The following SCN11A variants were observed in gnomAD, a reference collection of about 807,000 sequenced individuals.
SCN11A encodes the protein sodium voltage-gated channel alpha subunit 11.
A neutral mutation model predicts 162.2 loss-of-function variants in SCN11A; 122 were observed. The observed-to-expected ratio is 0.75, with a 90% CI of 0.65 to 0.87. The LOEUF is 0.87. Among genes scored for constraint, SCN11A ranks in the 40% least tolerant of loss-of-function variants. The probability of loss-of-function intolerance (pLI) is 0.00; values close to 1 mark genes in which losing one functional copy is unlikely to be tolerated. For synonymous variants in SCN11A, 758 were observed against 751.5 expected (o/e 1.01, Z -0.14); for missense variants, 2,015 against 2,181.6 (o/e 0.92, Z 1.52).
chr3:39,050,983 A>G (rs758947639), intron 1 of SCN11A, among the ~76,000 whole-genome samples: 1 of 152,188 alleles, frequency 6.6e-6, no homozygotes, highest in Non-Finnish European at 1.5e-5. Context: ...CTCAGCTCTT[A>G]TAATTAGTGG....
At position 38,950,090 on chromosome 3, in the gene SCN11A, A is replaced by C; in HGVS notation, c.267+6T>G. 1.5e-5 allele frequency: 4 copies of C among 270,550 alleles called. No homozygotes were observed. Among genetic ancestry groups the C allele is most frequent in the Non-Finnish European group, 2.4e-5 (4 of 168,264 alleles). The allele number at this position is 270,550 out of a possible 1,614,324, so 16.8% of individuals were successfully genotyped here. On this transcript the variant is annotated splice_donor_region_variant and intron_variant, in intron 5 of 29. Transcript: ENST00000302328. Reference sequence around the variant, plus strand: ...CCCCACCCCCCCCCCCCGCCCAATGAAGTACCTTATGATTTCGGTAGAATG... The same window carrying C: ...CCCCACCCCCCCCCCCCGCCCAATGCAGTACCTTATGATTTCGGTAGAATG...
intron 2 of SCN11A, among the ~76,000 whole-genome samples, chr3:38,977,107 A>C (rs973023780): frequency 3.3e-5 from 5 of 152,190 alleles, no homozygotes; most frequent in Admixed American, 6.5e-5. Flanking sequence ...TTGGATCCAC[A>C]AGTATTTCTG....
chr3:38,922,090 C>T (rs1199876952), intron 9 of SCN11A, among the ~76,000 whole-genome samples: 1 of 152,190 alleles, frequency 6.6e-6, no homozygotes, highest in Non-Finnish European at 1.5e-5. Context: ...CTTCAGCAAT[C>T]CACTGAGTCT....
chr3:38,886,252 C>G lies in SCN11A; in HGVS notation c.2836-14G>C, dbSNP rs1433019179. 6.5e-7 allele frequency: 1 copy of G among 1,544,164 alleles called. No homozygotes were observed. The highest frequency in any genetic ancestry group is 1.7e-5 in the Admixed American group (1 of 59,178). On this transcript the variant is annotated splice_polypyrimidine_tract_variant and intron_variant, in intron 19 of 29. Coordinates refer to ENST00000302328, the MANE Select transcript of SCN11A (RefSeq NM_001349253.2). ...GAGCTCATAGGCCTAACACAGAGAG[C>G]CCAGAATAGAATTAATATTCCTCCT... is the stretch of plus-strand genomic sequence containing the variant.
At chr3:38,963,399 T>TGATAGAG (rs2066757997) in intron 2 of SCN11A, among the ~76,000 whole-genome samples, 1 of 58,036 alleles carries the variant, frequency 1.7e-5, no homozygotes, top group African/African-American at 1.2e-4. Flanking sequence ...TGGAGATATA[T>TGATAGAG]ATATATATAT....
intron 1 of SCN11A, among the ~76,000 whole-genome samples, chr3:39,047,696 T>TA (rs2032217319): frequency 6.6e-6 from 1 of 151,846 alleles, no homozygotes; most frequent in African/African-American, 2.4e-5. Flanking sequence ...AAAACCCAAA[T>TA]AATTTTTAAA....
chr3:39,000,318 CT>C (rs1419522462), intron 2 of SCN11A, among the ~76,000 whole-genome samples: 2 of 152,102 alleles, frequency 1.3e-5, no homozygotes, highest in African/African-American at 4.8e-5. Context: ...TTGGTGTGGA[CT>C]GGGTAGAGCT....
chr3:38,979,043 C>T (rs73828785), intron 2 of SCN11A, among the ~76,000 whole-genome samples: 4,205 of 152,304 alleles, frequency 0.028, 195 homozygotes, highest in African/African-American at 0.096. Context: ...TGGGTCTCTC[C>T]TTCATAGCAC....
At chr3:38,961,969 A>G (rs2066744050) in intron 2 of SCN11A, among the ~76,000 whole-genome samples, 1 of 152,216 alleles carries the variant, frequency 6.6e-6, no homozygotes, top group Non-Finnish European at 1.5e-5. Context: ...GGATTTTCCA[A>G]CGTTGTCTTC....
chr3:39,010,303 T>C (rs2125602227), intron 2 of SCN11A, among the ~76,000 whole-genome samples: 1 of 152,204 alleles, frequency 6.6e-6, no homozygotes, highest in Non-Finnish European at 1.5e-5. Flanking sequence ...TATTTGACTC[T>C]AATTATGTAT....
intron 3 of SCN11A, among the ~76,000 whole-genome samples, chr3:38,957,370 G>T (rs1177673051): frequency 6.6e-6 from 1 of 152,086 alleles, no homozygotes; most frequent in African/African-American, 2.4e-5. Flanking sequence ...GTTGCAAAAG[G>T]ATTGTGAAAA....
At chr3:39,020,598 T>C (rs1049292188) in intron 2 of SCN11A, among the ~76,000 whole-genome samples, 4 of 152,200 alleles carry the variant, frequency 2.6e-5, no homozygotes, top group African/African-American at 7.2e-5. Flanking sequence ...GTGTTGTATA[T>C]ATTCTTCCTA....
intron 2 of SCN11A, among the ~76,000 whole-genome samples, chr3:38,999,864 G>T (rs983528067): frequency 6.6e-6 from 1 of 152,108 alleles, no homozygotes; most frequent in African/African-American, 2.4e-5. Context: ...TGAAAATGAG[G>T]TTCCCCTGCA....
At position 38,987,318 on chromosome 3, in the gene SCN11A, C is replaced by A. The variant is rs570466220; in HGVS notation, c.-279-26895G>T. Among the ~76,000 whole-genome samples, 22 of 150,512 alleles carry A rather than the reference C, an allele frequency of 1.5e-4. No individual in the cohort carries two copies. The South Asian group carries it at 4.7e-3, about 32-fold the overall frequency. Reference sequence around the variant, plus strand: ...TCTCTCTCTCTCACACACACACACACACACACACACACACACACACACACC... The same window carrying A: ...TCTCTCTCTCTCACACACACACACAAACACACACACACACACACACACACC... On this transcript the variant is annotated intron_variant, in intron 2 of 29. Transcript: ENST00000302328.
chr3:38,987,772 T>TG, intron 2 of SCN11A, among the ~76,000 whole-genome samples: 1 of 152,144 alleles, frequency 6.6e-6, no homozygotes, highest in South Asian at 2.1e-4. Flanking sequence ...GGAGCCAAGG[T>TG]GCCCTCTTGC....
At chr3:38,867,492 A>G (rs1470673483) in intron 26 of SCN11A, 34 bp from the exon 27 acceptor site, 1 of 1,537,930 alleles carries the variant, frequency 6.5e-7, no homozygotes, top group Admixed American at 1.9e-5. Context: ...AGAAAAAAAC[A>G]ATTACTGGAG....
chr3:38,932,161 A>T (rs2066250872), intron 7 of SCN11A, among the ~76,000 whole-genome samples: 1 of 150,412 alleles, frequency 6.6e-6, no homozygotes, highest in African/African-American at 2.5e-5. Flanking sequence ...CAAGACAGAG[A>T]CAAAGCTGTA....
chr3:38,870,931 T>C (rs1298020241), intron 25 of SCN11A, among the ~76,000 whole-genome samples, 187 bp from the exon 26 acceptor site: 1 of 152,216 alleles, frequency 6.6e-6, no homozygotes, highest in Non-Finnish European at 1.5e-5. Context: ...TTGGATTTTT[T>C]TCTTCTTCTT....
chr3:38,953,902 G>C (rs2066650718), intron 3 of SCN11A, among the ~76,000 whole-genome samples, 143 bp from the exon 4 acceptor site: 1 of 152,142 alleles, frequency 6.6e-6, no homozygotes, highest in Non-Finnish European at 1.5e-5. Flanking sequence ...ATACTGAAGA[G>C]GCATCCCAAT....
Sources: allele counts gnomAD v4.1 joint callset (sites outside exome capture counted in the v4.1 genomes callset), GRCh38; gene constraint gnomAD v4.1.1; transcripts MANE v1.5; gene names NCBI Gene and HGNC (gene_info 2026-07-23, HGNC 2026-07-21).